Variants in IQGAP3 observed in about 807,000 individuals in gnomAD.
The protein encoded by IQGAP3 is ras GTPase-activating-like protein IQGAP3.
A neutral mutation model predicts 208.2 loss-of-function variants in IQGAP3; 165 were observed. The ratio of observed to expected loss-of-function variants is 0.79; its 90% CI spans 0.70 to 0.90. The LOEUF (loss-of-function observed/expected upper bound fraction) is 0.90. Among genes scored for constraint, IQGAP3 ranks in the 40% least tolerant of loss-of-function variants. The probability of loss-of-function intolerance (pLI) is 0.00; values close to 1 mark genes in which losing one functional copy is unlikely to be tolerated. For missense variants in IQGAP3, 1,811 were observed against 2,043.1 expected (o/e 0.89, Z 2.19); for synonymous variants, 703 against 803.6 (o/e 0.87, Z 2.12).
intron 7 of IQGAP3, 98 bp from the exon 8 acceptor site, chr1:156,563,410 C>T: frequency 7.2e-7 from 1 of 1,393,688 alleles, no homozygotes; most frequent in South Asian, 1.4e-5. Context: ...CTTTTTCCCA[C>T]CCTCAAGGGC....
chr1:156,540,991 A>C, intron 22 of IQGAP3, 75 bp from the exon 23 acceptor site: 6 of 1,194,346 alleles, frequency 5.0e-6, no homozygotes, highest in Non-Finnish European at 7.4e-6. Context: ...TGCCCGAGTC[A>C]GCCCACCCCA....
In IQGAP3 at chr1:156,539,445, G is replaced by A; in HGVS notation, c.2985C>T (p.Asn995=). The A allele has an allele frequency of 6.2e-7, 1 of 1,614,138 alleles. No homozygotes were observed. The highest frequency in any genetic ancestry group is 8.5e-7 in the Non-Finnish European group (1 of 1,179,986). Residue 995 remains asparagine (N), a synonymous_variant, in exon 25 of 38, where the codon AAC becomes AAT. Transcript: ENST00000361170. The part of the protein sequence containing the change: ...FMEAVIFSLY[N]YASSRREAYL... ...AGGCCTCTCGGCGGCTGGAGGCATA[G>A]TTGTACAGGCTGAAAATCACTGCCT...
In IQGAP3 at chr1:156,528,585, G is replaced by T. The variant is rs751322327; in HGVS notation, c.4597C>A (p.Pro1533Thr). 2 of 1,613,728 alleles carry T rather than the reference G, an allele frequency of 1.2e-6. No homozygotes were observed. The highest frequency in any genetic ancestry group is 1.7e-6 in the Non-Finnish European group (2 of 1,179,788). ...TGAGCAGCAGTGTAATGAAGAGAAG[G>T]CTGCTTCTTCCCCTTCCCAGAACTC... The part of the protein sequence containing the change: ...SKSSGKGKKQ[P>T]SLHYTAAQLL... Residue 1533 changes from proline (P) to threonine (T), a missense_variant, in exon 36 of 38, where the codon CCT becomes ACT. Physicochemically the swap from Pro to Thr is conservative, Grantham distance 38 (BLOSUM62 -1). Coordinates refer to ENST00000361170, the MANE Select transcript of IQGAP3 (RefSeq NM_178229.5).
chr1:156,564,901 G>A (rs79249046), intron 4 of IQGAP3, among the ~76,000 whole-genome samples: 4,356 of 152,242 alleles, frequency 0.029, 79 homozygotes, highest in Non-Finnish European at 0.044. Flanking sequence ...CCAAGGCTCA[G>A]CCACAGACAC....
chr1:156,548,439 T>C lies in IQGAP3; in HGVS notation c.2042A>G (p.Tyr681Cys). The change falls in exon 18 of 38, where the codon TAC (tyrosine) becomes TGC (cysteine). Residue 681 changes from tyrosine to cysteine, a missense_variant. By Grantham distance (194) the Tyr-to-Cys change is radical. Transcript: ENST00000361170. ...CTGGAAGGTCTGCAGATGGAAGTAG[T>C]AGGCAGTGCCATCCTTCATGTCATG... ...VQHDMKDGTA[Y>C]YFHLQTFQGI... 5 of 1,613,904 alleles carry C rather than the reference T, an allele frequency of 3.1e-6. No individual in the cohort carries two copies. Among genetic ancestry groups the C allele is most frequent in the Non-Finnish European group, 4.2e-6 (5 of 1,179,944 alleles).
Position 156,556,692 on chromosome 1 carries a change from C to G in IQGAP3, c.1131G>C (p.Met377Ile). ...TGTTGATCCGCTGCACAGCGTGGAG[C>G]ACTGCAAGGCAGGAGAGCAACAGGT... ...ANTKGDQEQA[M>I]LHAVQRINKA... Residue 377 changes from methionine (M) to isoleucine (I), a missense_variant and splice_region_variant, in exon 12 of 38, where the codon ATG becomes ATC. Physicochemically the swap from Met to Ile is conservative, Grantham distance 10. Transcript: ENST00000361170. 1 of 1,552,330 alleles carries G rather than the reference C, an allele frequency of 6.4e-7. No individual in the cohort carries two copies. Among genetic ancestry groups the G allele is most frequent in the Non-Finnish European group, 8.7e-7 (1 of 1,143,928 alleles).
intron 36 of IQGAP3, 94 bp from the exon 37 acceptor site, chr1:156,528,154 G>T: frequency 1.1e-6 from 1 of 933,738 alleles, no homozygotes; most frequent in African/African-American, 1.6e-5. Flanking sequence ...CTGGGCAGCG[G>T]TGTCATCCAG....
intron 27 of IQGAP3, among the ~76,000 whole-genome samples, chr1:156,536,111 C>T (rs1379464087): frequency 6.6e-6 from 1 of 152,178 alleles, no homozygotes; most frequent in Non-Finnish European, 1.5e-5. Context: ...CTAGAACAAT[C>T]TTTTCTTACT....
chr1:156,555,694 C>T (rs1675792943), intron 12 of IQGAP3, among the ~76,000 whole-genome samples: 1 of 152,128 alleles, frequency 6.6e-6, no homozygotes, highest in African/African-American at 2.4e-5. Context: ...TATTATTGTT[C>T]CCATTTTATA....
intron 1 of IQGAP3, 111 bp downstream of exon 1, chr1:156,572,382 C>G: frequency 8.2e-7 from 1 of 1,215,652 alleles, no homozygotes; most frequent in Non-Finnish European, 1.2e-6. Flanking sequence ...TCCCACCGCC[C>G]TCGCCCCTCA....
intron 16 of IQGAP3, among the ~76,000 whole-genome samples, chr1:156,549,303 C>T (rs1484330530): frequency 6.6e-6 from 1 of 151,796 alleles, no homozygotes. Flanking sequence ...ATTATATGTG[C>T]CTACTAATAA....
intron 28 of IQGAP3, 28 bp from the exon 29 acceptor site, chr1:156,534,761 G>A (rs1674612179): frequency 1.4e-6 from 2 of 1,453,162 alleles, no homozygotes; most frequent in African/African-American, 2.9e-5. Context: ...TCTCCCAGAA[G>A]TGTCCAGGGG....
At chr1:156,563,334 A>G (rs1676247285) in intron 7 of IQGAP3, 22 bp from the exon 8 acceptor site, 1 of 1,566,404 alleles carries the variant, frequency 6.4e-7, no homozygotes, top group South Asian at 1.2e-5. Flanking sequence ...CATGGAAACA[A>G]GGTCAGGAGG....
At chr1:156,546,685 C>T (rs1445807779) in intron 19 of IQGAP3, among the ~76,000 whole-genome samples, 3 of 152,060 alleles carry the variant, frequency 2.0e-5, no homozygotes, top group Non-Finnish European at 2.9e-5. Flanking sequence ...ATGAGGAAAC[C>T]GAGTGCTAGA....
At chr1:156,559,481 CA>C (rs752597468) in intron 11 of IQGAP3, among the ~76,000 whole-genome samples, 11 of 152,204 alleles carry the variant, frequency 7.2e-5, no homozygotes, top group Non-Finnish European at 1.5e-4. Context: ...CTAAGGATAC[CA>C]AAGTACCTAC....
chr1:156,547,977 AG>A, intron 19 of IQGAP3, 95 bp downstream of exon 19: 1 of 1,141,618 alleles, frequency 8.8e-7, no homozygotes, highest in East Asian at 2.6e-5. Context: ...AGAGGCCGAA[AG>A]GTCATTCCCA....
Position 156,528,113 on chromosome 1 carries a change from A to G in IQGAP3, c.4674-53T>C, listed in dbSNP as rs563434175. On this transcript the variant is annotated intron_variant, in intron 36 of 37. Transcript: ENST00000361170. The stretch of plus-strand genomic sequence containing the variant: ...ACCCACTGCCTCTTTCCAGGGCTAC[A>G]GCCACATTCTTGCACCCACTGCTCC... 9.4e-6 allele frequency: 13 copies of G among 1,379,472 alleles called. No homozygotes were observed. In the African/African-American group the frequency reaches 1.6e-4, roughly 17 times the overall value. The allele number at this position is 1,379,472 out of a possible 1,614,324, so 85.5% of individuals were successfully genotyped here.
intron 9 of IQGAP3, among the ~76,000 whole-genome samples, chr1:156,562,265 C>T (rs1676190114): frequency 6.6e-6 from 1 of 152,100 alleles, no homozygotes; most frequent in African/African-American, 2.4e-5. Context: ...CGGCTCCTAC[C>T]CAGATCCCCC....
rs1191205511 is a variant in IQGAP3, at chr1:156,526,507, G to A, written c.4875C>T (p.Asn1625=). ...VNVNLLIFLL[N]KKFLRK is the part of the protein sequence containing the mutation. ...TCTGTCACTTCCGCAAAAACTTCTT[G>A]TTGAGGAGGAAGATGAGAAGGTTGA... is the stretch of plus-strand genomic sequence containing the variant. Residue 1625 remains asparagine (N), a synonymous_variant, in exon 38 of 38, where the codon AAC becomes AAT. Coordinates refer to ENST00000361170, the MANE Select transcript of IQGAP3 (RefSeq NM_178229.5). 6.2e-7 allele frequency: 1 copy of A among 1,613,576 alleles called. No individual in the cohort carries two copies. The highest frequency in any genetic ancestry group is 8.5e-7 in the Non-Finnish European group (1 of 1,179,470).
Sources: gnomAD v4.1 joint callset for allele counts (sites outside exome capture counted in the v4.1 genomes callset) on GRCh38, gnomAD v4.1.1 for gene constraint, MANE v1.5 for transcripts, NCBI Gene and HGNC (gene_info 2026-07-23, HGNC 2026-07-21) for gene names.